NHSL3: variants seen among roughly 807,000 people sequenced by gnomAD.
The protein encoded by NHSL3 is NHS-like protein 3.
the NHSL3 span, among the ~76,000 whole-genome samples, chr1:32,754,543 C>A: frequency 6.6e-6 from 1 of 151,868 alleles, no homozygotes; most frequent in African/African-American, 2.4e-5. Flanking sequence ...CACAGCCACA[C>A]GAACTACACC....
At chr1:32,745,892 A>G in the NHSL3 span, among the ~76,000 whole-genome samples, 3 of 152,110 alleles carry the variant, frequency 2.0e-5, no homozygotes, top group Admixed American at 6.6e-5. Context: ...CACAGAGGAT[A>G]GAGTCTCACC....
the NHSL3 span, chr1:32,767,723 G>A: frequency 6.9e-7 from 1 of 1,443,564 alleles, no homozygotes; most frequent in African/African-American, 1.4e-5. Flanking sequence ...CTTGCCGTGA[G>A]ACCTGTGCCC....
the NHSL3 span, chr1:32,769,811 T>C: frequency 1.3e-6 from 2 of 1,481,856 alleles, no homozygotes; most frequent in Non-Finnish European, 1.9e-6. Flanking sequence ...AGGAGGGCAG[T>C]GGTGGGGTGG....
the NHSL3 span, chr1:32,771,200 C>A: frequency 3.1e-6 from 5 of 1,612,204 alleles, no homozygotes; most frequent in South Asian, 3.3e-5. Context: ...TCCCCACCTC[C>A]CTCCAAGCCC....
the NHSL3 span, among the ~76,000 whole-genome samples, chr1:32,752,389 A>G: frequency 1.3e-5 from 2 of 152,168 alleles, no homozygotes; most frequent in Non-Finnish European, 2.9e-5. Context: ...TGTGGGGTCT[A>G]GAACTGAGGG....
At chr1:32,760,878 C>T in the NHSL3 span, among the ~76,000 whole-genome samples, 4 of 152,140 alleles carry the variant, frequency 2.6e-5, no homozygotes, top group Admixed American at 6.5e-5. Context: ...TGTGAGCCAC[C>T]GCACCCGGCC....
At chr1:32,765,645 G>A in the NHSL3 span, 1 of 1,532,012 alleles carries the variant, frequency 6.5e-7, no homozygotes, top group Non-Finnish European at 8.7e-7. Flanking sequence ...TCTGGAGCCG[G>A]TGCTCTGCGG....
the NHSL3 span, among the ~76,000 whole-genome samples, chr1:32,745,000 C>T: frequency 6.6e-6 from 1 of 151,850 alleles, no homozygotes; most frequent in Non-Finnish European, 1.5e-5. Context: ...GTGGCGTGCA[C>T]CTGTAGTCCC....
the NHSL3 span, chr1:32,768,671 A>G: frequency 1.2e-6 from 2 of 1,614,154 alleles, no homozygotes; most frequent in Admixed American, 1.7e-5. Context: ...ACGGGGCCGG[A>G]TGAAGACAAC....
chr1:32,754,746 C>A, the NHSL3 span, among the ~76,000 whole-genome samples: 2 of 152,168 alleles, frequency 1.3e-5, no homozygotes, highest in Admixed American at 6.5e-5. Context: ...ATCTTAGCCC[C>A]CAACAGGCTG....
At chr1:32,751,388 A>G in the NHSL3 span, among the ~76,000 whole-genome samples, 1 of 151,442 alleles carries the variant, frequency 6.6e-6, no homozygotes, top group South Asian at 2.1e-4. Context: ...CACCATCTCC[A>G]CCTCCACCAG....
chr1:32,742,219 G>C, the NHSL3 span: 21 of 1,238,268 alleles, frequency 1.7e-5, no homozygotes, highest in South Asian at 3.5e-5. Flanking sequence ...GGCTGAGCGC[G>C]GGGGGGCGTC....
chr1:32,749,793 G>A, the NHSL3 span, among the ~76,000 whole-genome samples: 1 of 152,210 alleles, frequency 6.6e-6, no homozygotes, highest in East Asian at 1.9e-4. Flanking sequence ...CCTTGGGCCT[G>A]AAAGGGGCTC....
chr1:32,762,516 G>T, the NHSL3 span, among the ~76,000 whole-genome samples: 1 of 150,398 alleles, frequency 6.6e-6, no homozygotes, highest in Non-Finnish European at 1.5e-5. Context: ...AGGCTGTAGT[G>T]CAGTGGTACA....
chr1:32,753,682 G>A, the NHSL3 span, among the ~76,000 whole-genome samples: 3 of 152,204 alleles, frequency 2.0e-5, no homozygotes, highest in African/African-American at 7.2e-5. Flanking sequence ...ACAGTCACGG[G>A]GAGGTGGCTG....
chr1:32,741,959 C>G, the NHSL3 span: 1 of 1,053,700 alleles, frequency 9.5e-7, no homozygotes, highest in Non-Finnish European at 1.2e-6. The surrounding 1 kb of genome is among the most constrained non-coding windows in gnomAD (Gnocchi z 4.3). Flanking sequence ...CCTGCCATGG[C>G]GGCCCGCGCG....
At chr1:32,764,899 C>G in the NHSL3 span, among the ~76,000 whole-genome samples, 1 of 152,260 alleles carries the variant, frequency 6.6e-6, no homozygotes, top group African/African-American at 2.4e-5. Context: ...TGCCTTCACC[C>G]ATGGACTGTT....
At chr1:32,762,155 A>T in the NHSL3 span, among the ~76,000 whole-genome samples, 1 of 152,204 alleles carries the variant, frequency 6.6e-6, no homozygotes, top group Non-Finnish European at 1.5e-5. Context: ...AGCTCCACAA[A>T]TGTTTGTTCT....
At chr1:32,743,771 GCCAGGCC>G in the NHSL3 span, among the ~76,000 whole-genome samples, 1 of 152,182 alleles carries the variant, frequency 6.6e-6, no homozygotes. Context: ...TGGGTCAGTG[GCCAGGCC>G]TCCCTCTTGC....
Sources: gnomAD v4.1 joint callset for allele counts (sites outside exome capture counted in the v4.1 genomes callset) on GRCh38, gnomAD v4.1.1 for gene constraint, Gnocchi (gnomAD v3.1) non-coding constraint, MANE v1.5 for transcripts, NCBI Gene and HGNC (gene_info 2026-07-23, HGNC 2026-07-21) for gene names.